ARB2A: variants seen among roughly 807,000 people sequenced by gnomAD.
The protein encoded by ARB2A is cotranscriptional regulator ARB2A.
the ARB2A span, among the ~76,000 whole-genome samples, chr5:93,949,329 G>A: frequency 9.2e-5 from 14 of 151,988 alleles, no homozygotes; most frequent in African/African-American, 3.4e-4. Flanking sequence ...TTGGGAGGCC[G>A]AGACGGGCAG....
At chr5:93,976,496 C>T in the ARB2A span, among the ~76,000 whole-genome samples, 1 of 152,160 alleles carries the variant, frequency 6.6e-6, no homozygotes, top group African/African-American at 2.4e-5. Flanking sequence ...ATTGTAATCC[C>T]CACCTCTCAA....
the ARB2A span, among the ~76,000 whole-genome samples, chr5:93,974,738 TTAAAAAATAAAATAAA>T: frequency 2.6e-5 from 4 of 151,966 alleles, no homozygotes; most frequent in South Asian, 8.3e-4. Context: ...AAAAACTAAA[TTAAAAAATAAAATAAA>T]TAAAAAATGA....
the ARB2A span, among the ~76,000 whole-genome samples, chr5:93,642,240 A>G: frequency 6.7e-6 from 1 of 149,762 alleles, no homozygotes. Flanking sequence ...TCATTCTGTC[A>G]TCCAGGCTGG....
At chr5:93,830,311 G>GTGTGTATGTGTGTGTATATATA in the ARB2A span, among the ~76,000 whole-genome samples, 1 of 82,270 alleles carries the variant, frequency 1.2e-5, no homozygotes, top group South Asian at 4.7e-4. Flanking sequence ...GTGTGTGTGT[G>GTGTGTATGTGTGTGTATATATA]TATATATATA....
chr5:93,739,375 A>G, the ARB2A span: 3 of 152,182 alleles, frequency 2.0e-5, no homozygotes, highest in Non-Finnish European at 4.4e-5. Context: ...GGGAATAAAA[A>G]TTGTAGTAAG....
the ARB2A span, among the ~76,000 whole-genome samples, chr5:93,692,514 T>C: frequency 2.0e-5 from 3 of 152,148 alleles, no homozygotes; most frequent in South Asian, 4.1e-4. Context: ...TAAATATATA[T>C]GCACTCAATA....
the ARB2A span, among the ~76,000 whole-genome samples, chr5:93,890,293 T>C: frequency 7.2e-5 from 11 of 151,816 alleles, no homozygotes; most frequent in African/African-American, 4.8e-5. Context: ...CATGTTTTTC[T>C]ATCTCTTAAG....
At chr5:94,061,274 A>G in the ARB2A span, among the ~76,000 whole-genome samples, 1 of 152,166 alleles carries the variant, frequency 6.6e-6, no homozygotes, top group African/African-American at 2.4e-5. Context: ...CTCATGATTA[A>G]AACCTCCCAG....
the ARB2A span, among the ~76,000 whole-genome samples, chr5:94,024,768 C>G: frequency 1.3e-5 from 2 of 152,198 alleles, no homozygotes; most frequent in East Asian, 3.9e-4. Context: ...AATAAATATT[C>G]TGCAAGCAGA....
the ARB2A span, among the ~76,000 whole-genome samples, chr5:94,089,908 G>T: frequency 1.3e-5 from 2 of 151,894 alleles, no homozygotes; most frequent in African/African-American, 4.8e-5. Flanking sequence ...CTTTCAAAAC[G>T]ACTATTTACA....
chr5:93,727,426 T>C, the ARB2A span, among the ~76,000 whole-genome samples: 1 of 152,080 alleles, frequency 6.6e-6, no homozygotes. Flanking sequence ...GCATTATGAT[T>C]TGGATGAGCT....
chr5:93,822,487 G>C, the ARB2A span, among the ~76,000 whole-genome samples: 2 of 152,142 alleles, frequency 1.3e-5, no homozygotes, highest in African/African-American at 4.8e-5. Flanking sequence ...ATGTTTTATA[G>C]AACTCTAAAA....
chr5:93,698,505 T>A, the ARB2A span, among the ~76,000 whole-genome samples: 11 of 152,010 alleles, frequency 7.2e-5, no homozygotes, highest in South Asian at 2.3e-3. Context: ...GCAGTCAGGA[T>A]AGGAAACACC....
At chr5:94,071,937 C>A in the ARB2A span, among the ~76,000 whole-genome samples, 1 of 152,014 alleles carries the variant, frequency 6.6e-6, no homozygotes. Context: ...AAATTTATTT[C>A]TAATAATCAA....
chr5:93,888,689 C>T, the ARB2A span, among the ~76,000 whole-genome samples: 1 of 151,776 alleles, frequency 6.6e-6, no homozygotes, highest in Non-Finnish European at 1.5e-5. Flanking sequence ...AGTTTTTAAG[C>T]TAATCATAAA....
At chr5:93,910,326 A>C in the ARB2A span, among the ~76,000 whole-genome samples, 1 of 151,162 alleles carries the variant, frequency 6.6e-6, no homozygotes, top group Non-Finnish European at 1.5e-5. Context: ...CTGATACAAA[A>C]GAATATAAAG....
chr5:94,094,313 C>T, the ARB2A span, among the ~76,000 whole-genome samples: 2 of 152,156 alleles, frequency 1.3e-5, no homozygotes, highest in African/African-American at 4.8e-5. Context: ...TCACCATGTC[C>T]TTACATGGTA....
At chr5:93,826,579 C>T in the ARB2A span, among the ~76,000 whole-genome samples, 1 of 151,930 alleles carries the variant, frequency 6.6e-6, no homozygotes, top group African/African-American at 2.4e-5. Flanking sequence ...CAACTTTTTT[C>T]CTTTTAAAAT....
chr5:93,739,477 A>T, the ARB2A span: 6 of 152,310 alleles, frequency 3.9e-5, no homozygotes, highest in African/African-American at 1.4e-4. Context: ...TGACAAGATT[A>T]CTATCCAGAA....
Sources: allele counts gnomAD v4.1 joint callset (sites outside exome capture counted in the v4.1 genomes callset), GRCh38; gene constraint gnomAD v4.1.1; transcripts MANE v1.5; gene names NCBI Gene and HGNC (gene_info 2026-07-23, HGNC 2026-07-21).